Variants in DENND1A observed in about 807,000 individuals in gnomAD.
DENND1A encodes DENN domain-containing protein 1A.
A neutral mutation model predicts 113.7 loss-of-function variants in DENND1A; 51 were observed. The observed-to-expected ratio is 0.45, with a 90% CI of 0.36 to 0.57. The LOEUF is 0.57. Ranked by LOEUF, DENND1A falls within the 20% of genes least tolerant of loss-of-function variation. The pLI is 0.00. For synonymous variants in DENND1A, 565 were observed against 570.8 expected (o/e 0.99, Z 0.14); for missense variants, 1,258 against 1,395.9 (o/e 0.90, Z 1.57).
At position 123,514,978 on chromosome 9, in the gene DENND1A, C is replaced by T. The variant is rs533746781; in HGVS notation, c.993+42592G>A. On this transcript the variant is annotated intron_variant, in intron 13 of 23. Coordinates refer to ENST00000394215, the MANE Select transcript of DENND1A (RefSeq NM_001352964.2). The stretch of plus-strand genomic sequence containing the variant: ...TCAGGCAGTTTGGCAGGGTGGAATA[C>T]GGTCATGTGTTAACAGTCACATAAT... 2.6e-5 allele frequency among the ~76,000 whole-genome samples: 4 copies of T among 152,272 alleles called. No individual in the cohort carries two copies. In the East Asian group the frequency reaches 5.8e-4, roughly 22 times the overall value.
chr9:123,691,924 T>C (rs2065215127), intron 5 of DENND1A, among the ~76,000 whole-genome samples: 1 of 152,138 alleles, frequency 6.6e-6, no homozygotes, highest in African/African-American at 2.4e-5. Context: ...ACAAAGGAGC[T>C]CCTGTCATGT....
At chr9:123,558,069 T>C (rs543469231) in intron 12 of DENND1A, among the ~76,000 whole-genome samples, 25 of 152,182 alleles carry the variant, frequency 1.6e-4, no homozygotes, top group Admixed American at 5.9e-4. Flanking sequence ...ACATGTCTAA[T>C]AAAAACAAAA....
intron 8 of DENND1A, among the ~76,000 whole-genome samples, chr9:123,666,808 C>T (rs1459690170): frequency 1.3e-5 from 2 of 152,076 alleles, no homozygotes; most frequent in Non-Finnish European, 2.9e-5. Context: ...AAAAATCCTT[C>T]CTTGTCTTTA....
chr9:123,613,666 AAAC>A (rs1230276257), intron 10 of DENND1A, among the ~76,000 whole-genome samples: 1 of 152,224 alleles, frequency 6.6e-6, no homozygotes, highest in Non-Finnish European at 1.5e-5. Context: ...AACGGCAATT[AAAC>A]AACATGTGCA....
intron 13 of DENND1A, among the ~76,000 whole-genome samples, chr9:123,522,576 C>A (rs1373435108): frequency 6.6e-6 from 1 of 152,150 alleles, no homozygotes; most frequent in Non-Finnish European, 1.5e-5. Context: ...GAATAAAGGG[C>A]CATTTTGTTT....
chr9:123,702,863 G>A (rs913487783), intron 5 of DENND1A, among the ~76,000 whole-genome samples: 1 of 151,440 alleles, frequency 6.6e-6, no homozygotes, highest in African/African-American at 2.4e-5. Context: ...TAAAACATCT[G>A]AAAGTAAAAG....
At chr9:123,899,194 T>C (rs760917572) in intron 1 of DENND1A, among the ~76,000 whole-genome samples, 8 of 152,224 alleles carry the variant, frequency 5.3e-5, no homozygotes, top group Non-Finnish European at 1.0e-4. Context: ...TGACAGGCAC[T>C]GTGCTTCTCT....
intron 13 of DENND1A, among the ~76,000 whole-genome samples, chr9:123,518,288 C>T (rs1399413368): frequency 4.6e-5 from 7 of 152,076 alleles, no homozygotes; most frequent in Non-Finnish European, 7.4e-5. Flanking sequence ...CTCTGATAAC[C>T]CCATATAAAG....
At chr9:123,715,163 G>T (rs775293361) in intron 5 of DENND1A, among the ~76,000 whole-genome samples, 2 of 151,228 alleles carry the variant, frequency 1.3e-5, no homozygotes, top group Non-Finnish European at 2.9e-5. Context: ...CAGCCTGGGT[G>T]ACAGAGACTC....
chr9:123,913,544 G>C (rs1375417214), intron 1 of DENND1A, among the ~76,000 whole-genome samples: 1 of 152,010 alleles, frequency 6.6e-6, no homozygotes, highest in African/African-American at 2.4e-5. Flanking sequence ...AGCAAATAAT[G>C]CAAGAGGGAA....
chr9:123,522,966 T>A (rs552385554), intron 13 of DENND1A, among the ~76,000 whole-genome samples: 9 of 152,230 alleles, frequency 5.9e-5, no homozygotes, highest in Non-Finnish European at 1.2e-4. Flanking sequence ...CAGACGTGAA[T>A]AAGAACTGAG....
At chr9:123,850,713 A>G (rs1418135629) in intron 2 of DENND1A, among the ~76,000 whole-genome samples, 2 of 152,214 alleles carry the variant, frequency 1.3e-5, no homozygotes, top group Non-Finnish European at 2.9e-5. Flanking sequence ...TGAGACAGTA[A>G]CAGTATCTAT....
chr9:123,403,495 A>T lies in DENND1A; in HGVS notation c.1543-5T>A. 6.2e-7 allele frequency: 1 copy of T among 1,613,604 alleles called. No individual in the cohort carries two copies. The highest frequency in any genetic ancestry group is 8.5e-7 in the Non-Finnish European group (1 of 1,179,710). On this transcript the variant is annotated splice_polypyrimidine_tract_variant and splice_region_variant and intron_variant, in intron 20 of 23. Coordinates refer to ENST00000394215, the MANE Select transcript of DENND1A (RefSeq NM_001352964.2). ...ATGTGGACGAGGTGGGCGCACCTAG[A>T]GGAGGTACAGGGGGAGAGCCCCAAG...
At chr9:123,663,713 T>C (rs967170802) in intron 8 of DENND1A, among the ~76,000 whole-genome samples, 1 of 152,138 alleles carries the variant, frequency 6.6e-6, no homozygotes, top group African/African-American at 2.4e-5. Context: ...TCAGTATTAA[T>C]CTTTTACAAC....
At chr9:123,413,507 T>C (rs1224017986) in intron 19 of DENND1A, 3 of 985,348 alleles carry the variant, frequency 3.0e-6, no homozygotes, top group African/African-American at 1.7e-5. Flanking sequence ...CCACTACTCC[T>C]GGAGGGCAGG....
chr9:123,557,991 CAA>C (rs111968520), intron 12 of DENND1A, among the ~76,000 whole-genome samples: 2,388 of 138,534 alleles, frequency 0.017, 27 homozygotes, highest in Non-Finnish European at 0.022. Context: ...AACTCAGTCT[CAA>C]AAAAAAAAAA....
At chr9:123,507,128 G>A (rs2053025474) in intron 13 of DENND1A, among the ~76,000 whole-genome samples, 1 of 152,232 alleles carries the variant, frequency 6.6e-6, no homozygotes, top group Admixed American at 6.5e-5. Context: ...GATGGGGGTT[G>A]CAGTGAGCTA....
intron 8 of DENND1A, among the ~76,000 whole-genome samples, chr9:123,660,396 G>A (rs188115857): frequency 6.6e-6 from 1 of 152,194 alleles, no homozygotes; most frequent in African/African-American, 2.4e-5. Context: ...AAAATAGTGG[G>A]GGCAGGAGAG....
chr9:123,576,672 T>C (rs1274804745), intron 12 of DENND1A, among the ~76,000 whole-genome samples: 1 of 152,184 alleles, frequency 6.6e-6, no homozygotes, highest in East Asian at 1.9e-4. Context: ...CTAATTTTTG[T>C]AGAGACGGGG....
Sources: gnomAD v4.1 joint callset for allele counts (sites outside exome capture counted in the v4.1 genomes callset) on GRCh38, gnomAD v4.1.1 for gene constraint, MANE v1.5 for transcripts, NCBI Gene and HGNC (gene_info 2026-07-23, HGNC 2026-07-21) for gene names.